SMARCAD1: variants seen among roughly 807,000 people sequenced by gnomAD.
SMARCAD1 encodes the protein SWI/SNF-related matrix-associated actin-dependent regulator of chromatin subfamily A containing DEAD/H box 1.
Under a neutral mutation model 127.1 loss-of-function variants are expected in SMARCAD1, and 25 were observed. That is an observed-to-expected ratio of 0.20 (90% CI 0.14 to 0.27). SMARCAD1 has a LOEUF of 0.27. SMARCAD1 is among the 10% of genes least tolerant of loss of function. SMARCAD1 has a pLI of 1.00. For synonymous variants in SMARCAD1, 400 were observed against 396.9 expected, an observed-to-expected ratio of 1.01 and a Z score of -0.09; for missense variants, 807 against 1,206.0, an observed-to-expected ratio of 0.67 and a Z score of 4.90.
chr4:94,289,884 A>G lies in SMARCAD1; in HGVS notation c.*350A>G, dbSNP rs1755467216. 2.2e-6 allele frequency: 1 copy of G among 460,172 alleles called. No homozygotes were observed. Among genetic ancestry groups the G allele is most frequent in the African/African-American group, 2.0e-5 (1 of 50,148 alleles). 28.5% of individuals were successfully genotyped at this position (460,172 alleles called of 1,614,324 possible). A position where few individuals can be genotyped will look rare whatever the true frequency, so the allele number is the denominator to read the frequency against. ...TATTTCTACCTCCAAATATATATAT[A>G]TTGTCTTTCACTGGATAATGTGTGT... On this transcript the variant is annotated 3_prime_UTR_variant, in exon 24 of 24. Transcript: ENST00000354268.
At chr4:94,282,416 T>C (rs1249179832) in intron 21 of SMARCAD1, among the ~76,000 whole-genome samples, 1 of 151,922 alleles carries the variant, frequency 6.6e-6, no homozygotes, top group Non-Finnish European at 1.5e-5. Flanking sequence ...TTGAAACAGC[T>C]ATTAGAATTG....
intron 9 of SMARCAD1, 168 bp downstream of exon 9, chr4:94,253,175 A>G: frequency 6.6e-7 from 1 of 1,504,792 alleles, no homozygotes; most frequent in Non-Finnish European, 9.0e-7. Context: ...AAATAGTGTC[A>G]TATGACCTAA....
In SMARCAD1 at chr4:94,252,642, G is replaced by T; in HGVS notation, c.916G>T (p.Val306Phe). The T allele has an allele frequency of 6.4e-7, 1 of 1,572,338 alleles. No homozygotes were observed. Among genetic ancestry groups the T allele is most frequent in the Non-Finnish European group, 8.6e-7 (1 of 1,163,080 alleles). The change falls in exon 9 of 24, where the codon GTT (valine) becomes TTT (phenylalanine). Residue 306 changes from valine to phenylalanine, a missense_variant. Around this residue, in one of 8 missense-constraint regions of SMARCAD1, gnomAD observed 257 missense variants for 303.4 expected, o/e 0.85. Transcript: ENST00000354268. The stretch of plus-strand genomic sequence containing the variant: ...TATGCAATATGTATCACAAAGTGAG[G>T]TTCCAAATGGAAAAGAAGTTTCTTC... The part of the protein sequence containing the change: ...QDMQYVSQSE[V>F]PNGKEVSSRS...
At chr4:94,235,738 G>T in intron 4 of SMARCAD1, among the ~76,000 whole-genome samples, 1 of 150,030 alleles carries the variant, frequency 6.7e-6, no homozygotes, top group Non-Finnish European at 1.5e-5. Flanking sequence ...GAATAAACAT[G>T]GAGTATTAAA....
intron 11 of SMARCAD1, 123 bp from the exon 12 acceptor site, chr4:94,273,494 G>C (rs1168513093): frequency 1.4e-6 from 1 of 700,782 alleles, no homozygotes; most frequent in Non-Finnish European, 2.5e-6. Flanking sequence ...AATTCCTTTA[G>C]AGTTGCATTC....
In SMARCAD1 at chr4:94,273,655, A is replaced by G. The variant is rs780500052; in HGVS notation, c.1611A>G (p.Ala537=). The G allele has an allele frequency of 9.3e-6, 15 of 1,613,790 alleles. No individual in the cohort carries two copies. The highest frequency in any genetic ancestry group is 1.3e-5 in the Non-Finnish European group (15 of 1,179,916). The part of the protein sequence containing the change: ...GKTIQAIAFL[A]YLYQEGNNGP... ...CTATTCAAGCCATTGCATTTCTGGC[A>G]TACCTCTATCAGGAGGGTAATAATG... is the stretch of plus-strand genomic sequence containing the variant. The change falls in exon 12 of 24, where the codon GCA becomes GCG. Residue 537 remains alanine (A), a synonymous_variant. Transcript: ENST00000354268.
chr4:94,273,562 G>T lies in SMARCAD1; in HGVS notation c.1573-55G>T, dbSNP rs554270882. On this transcript the variant is annotated intron_variant, in intron 11 of 23. Coordinates refer to ENST00000354268, the MANE Select transcript of SMARCAD1 (RefSeq NM_020159.5). ...ACTGCTTTTTCTTCTGTATTTTTATGTATTTATTTTTTGTTTGTTTTAAAA... is the reference window on the plus strand; with the variant it reads ...ACTGCTTTTTCTTCTGTATTTTTATTTATTTATTTTTTGTTTGTTTTAAAA... The T allele has an allele frequency of 3.7e-5, 46 of 1,245,982 alleles. No homozygotes were observed. The South Asian group carries it at 5.7e-4, about 15-fold the overall frequency. 77.2% of individuals were successfully genotyped at this position (1,245,982 alleles called of 1,614,324 possible).
intron 9 of SMARCAD1, chr4:94,253,457 C>A: frequency 8.5e-7 from 1 of 1,180,008 alleles, no homozygotes; most frequent in South Asian, 1.7e-5. Flanking sequence ...AAAATGCCAG[C>A]CTAAGTGTTT....
intron 8 of SMARCAD1, 37 bp downstream of exon 8, chr4:94,250,870 A>G: frequency 6.9e-7 from 1 of 1,457,500 alleles, no homozygotes. Flanking sequence ...CATACTTCTC[A>G]TTATAGTCTG....
intron 23 of SMARCAD1, among the ~76,000 whole-genome samples, chr4:94,288,715 A>AT (rs945513593): frequency 3.9e-5 from 6 of 152,134 alleles, no homozygotes; most frequent in African/African-American, 1.4e-4. Flanking sequence ...AATTTATAAA[A>AT]TTATTCATAG....
chr4:94,267,402 A>G (rs150554386), intron 10 of SMARCAD1, among the ~76,000 whole-genome samples: 147 of 152,314 alleles, frequency 9.7e-4, no homozygotes, highest in Middle Eastern at 3.4e-3. Flanking sequence ...GTCGGACAGC[A>G]TCCGTAACCT....
At chr4:94,209,321 C>T (rs1037161788) in intron 2 of SMARCAD1, among the ~76,000 whole-genome samples, 4 of 152,116 alleles carry the variant, frequency 2.6e-5, no homozygotes, top group Admixed American at 1.3e-4. Flanking sequence ...ATATTACTGA[C>T]ATAGAGGTTA....
chr4:94,224,573 G>T (rs903320987), intron 2 of SMARCAD1, among the ~76,000 whole-genome samples: 1 of 151,012 alleles, frequency 6.6e-6, no homozygotes, highest in African/African-American at 2.4e-5. Context: ...GTGCTCAAAA[G>T]ATTTCAGATT....
At position 94,265,654 on chromosome 4, in the gene SMARCAD1, T is replaced by A. The variant is rs191029810; in HGVS notation, c.1481+748T>A. Among the ~76,000 whole-genome samples the A allele has an allele frequency of 2.5e-3, 384 of 151,940 alleles. 3 individuals are homozygous for A. Among genetic ancestry groups the A allele is most frequent in the African/African-American group, 8.6e-3 (356 of 41,516 alleles). On this transcript the variant is annotated intron_variant, in intron 10 of 23. Transcript: ENST00000354268. ...AAAGTTTGTATATTTTTAAGTAGTT[T>A]GGAGACTCAGAACTGTTCAGAATAC... is the stretch of plus-strand genomic sequence containing the variant.
intron 5 of SMARCAD1, among the ~76,000 whole-genome samples, chr4:94,240,008 C>G (rs887501982): frequency 6.6e-6 from 1 of 152,166 alleles, no homozygotes; most frequent in Admixed American, 6.5e-5. Flanking sequence ...CACAAATACT[C>G]TGCTTTAAAA....
chr4:94,283,915 A>G (rs1754470459), intron 22 of SMARCAD1, among the ~76,000 whole-genome samples: 1 of 152,212 alleles, frequency 6.6e-6, no homozygotes, highest in African/African-American at 2.4e-5. Flanking sequence ...GTCCCAGACA[A>G]ACTTGGTAAT....
chr4:94,281,857 C>G (rs1349627886), intron 21 of SMARCAD1, among the ~76,000 whole-genome samples: 1 of 134,670 alleles, frequency 7.4e-6, no homozygotes, highest in Admixed American at 8.0e-5. Flanking sequence ...CCTGTCTCTA[C>G]TAAAAACACC....
At chr4:94,280,423 C>G (rs186056746) in intron 19 of SMARCAD1, among the ~76,000 whole-genome samples, 169 bp from the exon 20 acceptor site, 2 of 152,220 alleles carry the variant, frequency 1.3e-5, no homozygotes, top group South Asian at 2.1e-4. Flanking sequence ...ACTTCTCCCC[C>G]TTTATTATAC....
chr4:94,239,626 G>T (rs1466093472), intron 5 of SMARCAD1, among the ~76,000 whole-genome samples: 2 of 150,718 alleles, frequency 1.3e-5, no homozygotes, highest in African/African-American at 4.9e-5. Context: ...AGGCTGGAGT[G>T]CAGTGGTGCG....
Sources: gnomAD v4.1 joint callset for allele counts (sites outside exome capture counted in the v4.1 genomes callset) on GRCh38, gnomAD v4.1.1 for gene constraint, gnomAD v4.1.1 regional missense constraint, MANE v1.5 for transcripts, NCBI Gene and HGNC (gene_info 2026-07-23, HGNC 2026-07-21) for gene names.